KCNK9: variants seen among roughly 807,000 people sequenced by gnomAD.
The protein encoded by KCNK9 is potassium two pore domain channel subfamily K member 9.
Under a neutral mutation model 10.8 loss-of-function variants are expected in KCNK9, and 1 was observed. The observed-to-expected ratio is 0.09, with a 90% CI of 0.03 to 0.44. The LOEUF (loss-of-function observed/expected upper bound fraction) is 0.44, where lower values mean the gene tolerates loss of function less well. Among genes scored for constraint, KCNK9 ranks in the 20% least tolerant of loss-of-function variants. The pLI is 0.97. For missense variants in KCNK9, 303 were observed against 515.0 expected (o/e 0.59, Z 3.98); for synonymous variants, 231 against 222.7 (o/e 1.04, Z -0.33).
chr8:139,612,017 T>G (rs2130088471), downstream of KCNK9: 1 of 152,250 alleles, frequency 6.6e-6, no homozygotes, highest in Middle Eastern at 3.4e-3. Flanking sequence ...GTGCGGTCGC[T>G]CACAACCAAA....
downstream of KCNK9, among the ~76,000 whole-genome samples, chr8:139,607,662 TGAGAGGAGAGG>T (rs1389297481): frequency 6.6e-6 from 1 of 152,130 alleles, no homozygotes; most frequent in East Asian, 1.9e-4. Flanking sequence ...GAGTCTCCAG[TGAGAGGAGAGG>T]GAGTCTACAG....
chr8:139,682,094 G>A (rs925058450), intron 1 of KCNK9, among the ~76,000 whole-genome samples: 1 of 152,204 alleles, frequency 6.6e-6, no homozygotes, highest in Non-Finnish European at 1.5e-5. Context: ...GCCCGGCTCC[G>A]AAAGAAGCCC....
intron 1 of KCNK9, among the ~76,000 whole-genome samples, chr8:139,700,508 A>ACG (rs1218216062): frequency 1.4e-3 from 165 of 118,324 alleles, no homozygotes; most frequent in African/African-American, 3.4e-3. Flanking sequence ...ACACACACAC[A>ACG]CGCGCGCGCG....
At chr8:139,626,971 C>T (rs1338386069) in intron 1 of KCNK9, among the ~76,000 whole-genome samples, 1 of 152,150 alleles carries the variant, frequency 6.6e-6, no homozygotes, top group Non-Finnish European at 1.5e-5. Context: ...GCTCAGGCCC[C>T]GGAATGAACT....
intron 1 of KCNK9, among the ~76,000 whole-genome samples, chr8:139,700,502 ACACACACGCGCGCGCGCG>A (rs1174081100): frequency 9.5e-5 from 13 of 137,096 alleles, no homozygotes; most frequent in African/African-American, 3.8e-4. Flanking sequence ...ACACACACAC[ACACACACGCGCGCGCGCG>A]CACACACACA....
intron 1 of KCNK9, among the ~76,000 whole-genome samples, chr8:139,628,044 C>T (rs2130127527): frequency 6.6e-6 from 1 of 152,326 alleles, no homozygotes; most frequent in Middle Eastern, 3.4e-3. Context: ...TGGCACAGGC[C>T]AAACAAAATA....
At chr8:139,669,147 C>T (rs920868536) in intron 1 of KCNK9, among the ~76,000 whole-genome samples, 1 of 151,904 alleles carries the variant, frequency 6.6e-6, no homozygotes, top group African/African-American at 2.4e-5. Flanking sequence ...ATCATCTGAG[C>T]CTTGAGCAAG....
At chr8:139,684,974 C>T (rs1287433313) in intron 1 of KCNK9, among the ~76,000 whole-genome samples, 1 of 152,234 alleles carries the variant, frequency 6.6e-6, no homozygotes, top group Non-Finnish European at 1.5e-5. Context: ...ATAATTTAAA[C>T]ACTACATGTG....
At chr8:139,648,108 A>G (rs1418024842) in intron 1 of KCNK9, among the ~76,000 whole-genome samples, 1 of 152,248 alleles carries the variant, frequency 6.6e-6, no homozygotes, top group African/African-American at 2.4e-5. Flanking sequence ...AGGTACGGAC[A>G]CATTGCAACA....
chr8:139,615,089 T>A (rs1814540626), downstream of KCNK9, among the ~76,000 whole-genome samples: 1 of 152,110 alleles, frequency 6.6e-6, no homozygotes, highest in Admixed American at 6.5e-5. Context: ...AATTACCAGG[T>A]GCAAGAGGGA....
chr8:139,677,046 G>T (rs1158613212), intron 1 of KCNK9, among the ~76,000 whole-genome samples: 1 of 152,178 alleles, frequency 6.6e-6, no homozygotes, highest in Non-Finnish European at 1.5e-5. Flanking sequence ...TGCAAAGACA[G>T]GATGAAAACC....
intron 1 of KCNK9, among the ~76,000 whole-genome samples, chr8:139,625,414 C>A (rs540167586): frequency 6.6e-6 from 1 of 152,210 alleles, no homozygotes; most frequent in African/African-American, 2.4e-5. Flanking sequence ...CGTGAGCTCC[C>A]GAGGAGAGCA....
In KCNK9 at chr8:139,683,174, G is replaced by A. The variant is rs115637075; in HGVS notation, c.283+19536C>T. On this transcript the variant is annotated intron_variant, in intron 1 of 1. Coordinates refer to ENST00000520439, the MANE Select transcript of KCNK9 (RefSeq NM_001282534.2). Reference sequence around the variant, plus strand: ...TACGGGAAGATTCTGGTCCCAGAACGAAAGGCTCAAGGAGATAAGAGCAAT... The same window carrying A: ...TACGGGAAGATTCTGGTCCCAGAACAAAAGGCTCAAGGAGATAAGAGCAAT... 6.3e-3 allele frequency among the ~76,000 whole-genome samples: 952 copies of A among 152,256 alleles called. 11 individuals are homozygous for A. Among genetic ancestry groups the A allele is most frequent in the African/African-American group, 0.021 (884 of 41,542 alleles).
intron 1 of KCNK9, among the ~76,000 whole-genome samples, chr8:139,701,671 G>A (rs1026074094): frequency 5.3e-5 from 8 of 152,134 alleles, no homozygotes; most frequent in Non-Finnish European, 7.4e-5. Context: ...GAGGCAGCCT[G>A]CCTCACTGGG....
At chr8:139,621,229 T>A (rs1358389907) in intron 1 of KCNK9, among the ~76,000 whole-genome samples, 1 of 149,960 alleles carries the variant, frequency 6.7e-6, no homozygotes. Flanking sequence ...TGGTGGAGGT[T>A]GCAATGAGCC....
chr8:139,639,309 G>A (rs1296548646), intron 1 of KCNK9, among the ~76,000 whole-genome samples: 2 of 152,354 alleles, frequency 1.3e-5, no homozygotes, highest in Non-Finnish European at 2.9e-5. Context: ...TGGAAATGGA[G>A]GCATGGAAGG....
downstream of KCNK9, among the ~76,000 whole-genome samples, chr8:139,609,238 G>C (rs892506039): frequency 1.3e-4 from 12 of 93,618 alleles, no homozygotes; most frequent in African/African-American, 2.5e-4. Context: ...GGGGTGCTCT[G>C]CCCCCCCACC....
At chr8:139,668,720 C>T (rs1442674989) in intron 1 of KCNK9, among the ~76,000 whole-genome samples, 1 of 152,184 alleles carries the variant, frequency 6.6e-6, no homozygotes, top group Non-Finnish European at 1.5e-5. Context: ...CCGCGCCCGT[C>T]GTGTAAATGG....
intron 1 of KCNK9, among the ~76,000 whole-genome samples, chr8:139,682,093 C>T (rs865947791): frequency 1.3e-5 from 2 of 152,192 alleles, no homozygotes; most frequent in African/African-American, 2.4e-5. Flanking sequence ...AGCCCGGCTC[C>T]GAAAGAAGCC....
Sources: allele counts gnomAD v4.1 joint callset (sites outside exome capture counted in the v4.1 genomes callset), GRCh38; gene constraint gnomAD v4.1.1; transcripts MANE v1.5; gene names NCBI Gene and HGNC (gene_info 2026-07-23, HGNC 2026-07-21).